The following MAPK8 variants were observed in gnomAD, a reference collection of about 807,000 sequenced individuals.
MAPK8 encodes JUN N-terminal kinase.
MAPK8 carries 13 observed loss-of-function variants against 52.9 expected under a neutral mutation model. The observed-to-expected ratio is 0.25, with a 90% confidence interval of 0.16 to 0.39. The LOEUF (loss-of-function observed/expected upper bound fraction) is 0.39, where lower values mean the gene tolerates loss of function less well. Among genes scored for constraint, MAPK8 ranks in the 10% least tolerant of loss-of-function variants. The probability of loss-of-function intolerance (pLI) is 1.00; values close to 1 mark genes in which losing one functional copy is unlikely to be tolerated. For missense variants in MAPK8, 300 were observed against 519.2 expected (o/e 0.58, Z 4.10); for synonymous variants, 191 against 169.8 (o/e 1.12, Z -0.97).
chr10:48,311,147 A>C (rs937254111), intron 1 of MAPK8, among the ~76,000 whole-genome samples: 2 of 152,144 alleles, frequency 1.3e-5, no homozygotes, highest in African/African-American at 4.8e-5. Context: ...AGTGCCTGGC[A>C]CTGTTGTGGT....
intron 1 of MAPK8, among the ~76,000 whole-genome samples, chr10:48,375,481 T>C (rs1015755113): frequency 1.1e-5 from 1 of 87,790 alleles, no homozygotes; most frequent in African/African-American, 4.8e-5. Context: ...GATTGTATAT[T>C]TAAAAAAACC....
chr10:48,399,470 A>G (rs765963412), intron 1 of MAPK8, among the ~76,000 whole-genome samples: 1 of 152,056 alleles, frequency 6.6e-6, no homozygotes, highest in Non-Finnish European at 1.5e-5. Context: ...AGTTGTGACT[A>G]TCCATGCTCA....
chr10:48,362,750 T>C (rs1034541045), intron 1 of MAPK8, among the ~76,000 whole-genome samples: 3 of 149,206 alleles, frequency 2.0e-5, no homozygotes, highest in Non-Finnish European at 4.5e-5. Flanking sequence ...TTTTTTTTTT[T>C]TTTTTTTGAG....
intron 1 of MAPK8, among the ~76,000 whole-genome samples, chr10:48,314,587 C>T (rs1217448273): frequency 6.6e-6 from 1 of 152,134 alleles, no homozygotes; most frequent in Non-Finnish European, 1.5e-5. Context: ...AGCGTATGTG[C>T]ATTTGTAATT....
chr10:48,330,292 A>G (rs901435951), intron 1 of MAPK8, among the ~76,000 whole-genome samples: 3 of 152,210 alleles, frequency 2.0e-5, no homozygotes, highest in Non-Finnish European at 2.9e-5. Flanking sequence ...TTTATTTAAC[A>G]GGAAGGAGTT....
chr10:48,368,557 T>C (rs1848273871), intron 1 of MAPK8, among the ~76,000 whole-genome samples: 1 of 152,206 alleles, frequency 6.6e-6, no homozygotes. Context: ...AGTCCTGAAG[T>C]TCCTGGAATC....
intron 1 of MAPK8, among the ~76,000 whole-genome samples, chr10:48,314,778 T>G (rs1321646921): frequency 6.6e-6 from 1 of 152,260 alleles, no homozygotes; most frequent in Non-Finnish European, 1.5e-5. Flanking sequence ...GTTGCTCATT[T>G]TCCTAGATTT....
chr10:48,352,027 GAAAT>G (rs1846390024), intron 1 of MAPK8, among the ~76,000 whole-genome samples: 1 of 152,146 alleles, frequency 6.6e-6, no homozygotes, highest in African/African-American at 2.4e-5. Flanking sequence ...AAAATCTACA[GAAAT>G]AAATTTGACA....
chr10:48,363,502 T>C (rs1230973870), intron 1 of MAPK8, among the ~76,000 whole-genome samples: 1 of 152,200 alleles, frequency 6.6e-6, no homozygotes, highest in East Asian at 1.9e-4. Context: ...TCTTTAGTTA[T>C]CCATAAAATC....
At chr10:48,403,921 G>T (rs1168175937) in intron 2 of MAPK8, among the ~76,000 whole-genome samples, 1 of 141,852 alleles carries the variant, frequency 7.0e-6, no homozygotes, top group South Asian at 2.4e-4. Flanking sequence ...GCTAATTTGT[G>T]TGTGTGTGTG....
chr10:48,427,964 T>G (rs2043800739), intron 10 of MAPK8, among the ~76,000 whole-genome samples: 2 of 152,204 alleles, frequency 1.3e-5, no homozygotes, highest in Admixed American at 1.3e-4. Flanking sequence ...TCTGCAATAT[T>G]CATGTTCACA....
intron 2 of MAPK8, 44 bp downstream of exon 2, chr10:48,401,826 C>G (rs201739023): frequency 1.6e-5 from 21 of 1,354,194 alleles, no homozygotes; most frequent in African/African-American, 6.0e-5. Flanking sequence ...TCATTAACTG[C>G]TACCTTTTCT....
chr10:48,389,600 AAGAC>A (rs1347419743), intron 1 of MAPK8, among the ~76,000 whole-genome samples: 3 of 152,344 alleles, frequency 2.0e-5, no homozygotes, highest in East Asian at 3.9e-4. Flanking sequence ...TGAGAGGAGA[AAGAC>A]AGGCAATTCA....
chr10:48,320,211 CT>C (rs71026206), intron 1 of MAPK8, among the ~76,000 whole-genome samples: 1,015 of 34,898 alleles, frequency 0.029, 4 homozygotes, highest in East Asian at 0.058. Context: ...ACTGCTCGGC[CT>C]TTTTTTTTTT....
chr10:48,317,307 G>A (rs1002746967), intron 1 of MAPK8, among the ~76,000 whole-genome samples: 2 of 152,100 alleles, frequency 1.3e-5, no homozygotes, highest in Non-Finnish European at 2.9e-5. Context: ...CCAGCCTCCC[G>A]AGTAGCTGGG....
chr10:48,327,025 T>C (rs1843590909), intron 1 of MAPK8, among the ~76,000 whole-genome samples: 1 of 152,250 alleles, frequency 6.6e-6, no homozygotes, highest in South Asian at 2.1e-4. Flanking sequence ...GAAACAGTTT[T>C]ATTTCTTTTC....
At chr10:48,420,363 T>C in intron 6 of MAPK8, 43 bp downstream of exon 6, 1 of 1,496,310 alleles carries the variant, frequency 6.7e-7, no homozygotes, top group Non-Finnish European at 9.0e-7. Context: ...TGATTTAGCT[T>C]TTTTCTTTAT....
intron 1 of MAPK8, among the ~76,000 whole-genome samples, chr10:48,398,452 A>G (rs993872150): frequency 1.3e-5 from 2 of 152,224 alleles, no homozygotes; most frequent in African/African-American, 2.4e-5. Context: ...TTAAATGGCA[A>G]TCCGAAGAAT....
At chr10:48,379,333 A>G (rs528849177) in intron 1 of MAPK8, among the ~76,000 whole-genome samples, 7 of 152,326 alleles carry the variant, frequency 4.6e-5, no homozygotes, top group African/African-American at 1.2e-4. Flanking sequence ...TATTGGCTCT[A>G]TAAAGTCAAC....
Sources: allele counts gnomAD v4.1 joint callset (sites outside exome capture counted in the v4.1 genomes callset), GRCh38; gene constraint gnomAD v4.1.1; transcripts MANE v1.5; gene names NCBI Gene and HGNC (gene_info 2026-07-23, HGNC 2026-07-21).